The following HTR7 variants were observed in gnomAD, a reference collection of about 807,000 sequenced individuals.
The protein encoded by HTR7 is 5-HT-7.
Under a neutral mutation model 34.0 loss-of-function variants are expected in HTR7, and 16 were observed. That is an observed-to-expected ratio of 0.47 (90% CI 0.32 to 0.71). The LOEUF (loss-of-function observed/expected upper bound fraction) is 0.71. Among genes scored for constraint, HTR7 ranks in the 30% least tolerant of loss-of-function variants. HTR7 has a pLI of 0.04. For missense variants in HTR7, 504 were observed against 625.5 expected, an observed-to-expected ratio of 0.81 and a Z score of 2.07; for synonymous variants, 265 against 260.2, an observed-to-expected ratio of 1.02 and a Z score of -0.18.
intron 1 of HTR7, among the ~76,000 whole-genome samples, chr10:90,806,117 T>C (rs1197282489): frequency 2.0e-5 from 3 of 152,132 alleles, no homozygotes; most frequent in African/African-American, 7.2e-5. Context: ...AACATGAGGA[T>C]GTGGTTTTTT....
chr10:90,769,217 C>T (rs1172999938), intron 1 of HTR7, among the ~76,000 whole-genome samples: 4 of 152,188 alleles, frequency 2.6e-5, no homozygotes, highest in Non-Finnish European at 5.9e-5. Context: ...TTTTTAAAAG[C>T]ATATAAAACT....
intron 1 of HTR7, among the ~76,000 whole-genome samples, chr10:90,839,782 T>C (rs919697804): frequency 2.0e-5 from 3 of 152,106 alleles, no homozygotes; most frequent in African/African-American, 7.2e-5. Flanking sequence ...ATACCAGGGT[T>C]TTTATTGACA....
intron 1 of HTR7, among the ~76,000 whole-genome samples, chr10:90,834,032 G>A (rs746741136): frequency 8.5e-5 from 13 of 152,104 alleles, no homozygotes; most frequent in Non-Finnish European, 1.8e-4. Context: ...TACAAGGATA[G>A]GTAAAAGGCA....
chr10:90,781,542 C>CAA (rs1288280564), intron 1 of HTR7, among the ~76,000 whole-genome samples: 1 of 152,170 alleles, frequency 6.6e-6, no homozygotes, highest in Non-Finnish European at 1.5e-5. Flanking sequence ...TATTTATCTT[C>CAA]TAATTGAAGA....
intron 1 of HTR7, among the ~76,000 whole-genome samples, chr10:90,854,621 T>A (rs1564704421): frequency 6.6e-6 from 1 of 152,164 alleles, no homozygotes; most frequent in Non-Finnish European, 1.5e-5. Flanking sequence ...TTTCAATGAA[T>A]ACAAATCATT....
rs1441806916 is a variant in HTR7, at chr10:90,749,642, GGT to G, written c.540-50_540-49del. The G allele has an allele frequency of 2.6e-6, 4 of 1,539,662 alleles. No homozygotes were observed. The highest frequency in any genetic ancestry group is 1.3e-5 in the South Asian group (1 of 79,772). ...ACAGATGAACACCGTGATCATAACTGGTCAACCAAGCAAGTCCTGCCAGCCAG... is the reference window on the plus strand; with the variant it reads ...ACAGATGAACACCGTGATCATAACTGCAACCAAGCAAGTCCTGCCAGCCAG... On this transcript the variant is annotated intron_variant, in intron 1 of 3. Coordinates refer to ENST00000336152, the MANE Select transcript of HTR7 (RefSeq NM_019859.4). This position sits in a 1 kb window ranked among gnomAD's most constrained non-coding sequence, Gnocchi z 4.2.
chr10:90,825,663 A>C (rs2120028650), intron 1 of HTR7, among the ~76,000 whole-genome samples: 1 of 152,362 alleles, frequency 6.6e-6, no homozygotes, highest in South Asian at 2.1e-4. Flanking sequence ...AGGAATTCAT[A>C]ATTTGAAAAA....
chr10:90,760,063 C>A (rs955776495), intron 1 of HTR7, among the ~76,000 whole-genome samples: 2 of 152,172 alleles, frequency 1.3e-5, no homozygotes, highest in Admixed American at 6.5e-5. Context: ...TGCATCCCCA[C>A]GTTTATTGTA....
intron 1 of HTR7, among the ~76,000 whole-genome samples, chr10:90,784,224 C>T (rs890553666): frequency 6.6e-6 from 1 of 152,174 alleles, no homozygotes; most frequent in Non-Finnish European, 1.5e-5. Flanking sequence ...TTATATAGGA[C>T]TCTGAAAAGA....
chr10:90,769,431 C>T (rs913058963), intron 1 of HTR7, among the ~76,000 whole-genome samples: 7 of 152,262 alleles, frequency 4.6e-5, no homozygotes, highest in East Asian at 1.9e-4. Context: ...AACTAACAAA[C>T]GTGTTTAATA....
intron 1 of HTR7, among the ~76,000 whole-genome samples, chr10:90,854,877 T>A (rs1301815289): frequency 6.6e-6 from 1 of 152,198 alleles, no homozygotes; most frequent in Non-Finnish European, 1.5e-5. Context: ...CTATATTAGG[T>A]ACTCAAGAGG....
chr10:90,826,358 C>A (rs1846073708), intron 1 of HTR7, among the ~76,000 whole-genome samples: 1 of 152,138 alleles, frequency 6.6e-6, no homozygotes, highest in Non-Finnish European at 1.5e-5. Context: ...GGAATTTTTT[C>A]AGTCTGAAAG....
intron 1 of HTR7, among the ~76,000 whole-genome samples, chr10:90,853,454 T>C (rs1024155869): frequency 4.0e-5 from 6 of 151,242 alleles, no homozygotes; most frequent in Admixed American, 1.3e-4. Context: ...CCTGGCTTTT[T>C]TGTTTCTTTT....
intron 1 of HTR7, among the ~76,000 whole-genome samples, chr10:90,762,370 T>C (rs1204850846): frequency 1.3e-5 from 2 of 152,220 alleles, no homozygotes; most frequent in Non-Finnish European, 2.9e-5. Context: ...TCTGTTTATG[T>C]TTCCCTGATG....
chr10:90,763,855 C>T (rs902055308), intron 1 of HTR7, among the ~76,000 whole-genome samples: 5 of 152,072 alleles, frequency 3.3e-5, no homozygotes, highest in East Asian at 3.9e-4. Context: ...TTTCTTTATC[C>T]GGTCTATCAT....
At chr10:90,798,415 G>A (rs1443077317) in intron 1 of HTR7, among the ~76,000 whole-genome samples, 1 of 152,130 alleles carries the variant, frequency 6.6e-6, no homozygotes, top group African/African-American at 2.4e-5. Flanking sequence ...TTGGGTCCCA[G>A]GTATAGGTAC....
intron 1 of HTR7, among the ~76,000 whole-genome samples, chr10:90,774,775 C>T (rs1845178586): frequency 6.6e-6 from 1 of 152,130 alleles, no homozygotes; most frequent in African/African-American, 2.4e-5. Flanking sequence ...CAAACCAAGA[C>T]CAGCAAAACT....
chr10:90,801,595 C>T lies in HTR7; in HGVS notation c.540-52001G>A, dbSNP rs1403822120. Among the ~76,000 whole-genome samples the T allele has an allele frequency of 2.6e-5, 4 of 152,308 alleles. No individual in the cohort carries two copies. In the South Asian group the frequency reaches 8.3e-4, roughly 32 times the overall value. ...TATACTTTTTCTCCCATTAATCTGC[C>T]TTTTGTGAGTTAATTTTTCAGCAAA... is the stretch of plus-strand genomic sequence containing the variant. On this transcript the variant is annotated intron_variant, in intron 1 of 3. Coordinates refer to ENST00000336152, the MANE Select transcript of HTR7 (RefSeq NM_019859.4).
At chr10:90,806,693 C>T (rs1311386842) in intron 1 of HTR7, among the ~76,000 whole-genome samples, 4 of 152,126 alleles carry the variant, frequency 2.6e-5, no homozygotes, top group Admixed American at 6.6e-5. Context: ...ATGGATCCAG[C>T]TCCTGGGGAA....
Sources: allele counts gnomAD v4.1 joint callset (sites outside exome capture counted in the v4.1 genomes callset), GRCh38; gene constraint gnomAD v4.1.1; non-coding constraint Gnocchi (gnomAD v3.1); transcripts MANE v1.5; gene names NCBI Gene and HGNC (gene_info 2026-07-23, HGNC 2026-07-21).